Variants in HMCN1 observed in about 807,000 individuals in gnomAD.
HMCN1 encodes hemicentin-1.
A neutral mutation model predicts 625.9 loss-of-function variants in HMCN1; 321 were observed. The ratio of observed to expected loss-of-function variants is 0.51; its 90% CI spans 0.47 to 0.56. The LOEUF (loss-of-function observed/expected upper bound fraction) is 0.56. Among genes scored for constraint, HMCN1 ranks in the 20% least tolerant of loss-of-function variants. The pLI is 0.00. For missense variants in HMCN1, 6,588 were observed against 6,887.3 expected, an observed-to-expected ratio of 0.96 and a Z score of 1.54; for synonymous variants, 2,425 against 2,417.6, an observed-to-expected ratio of 1.00 and a Z score of -0.09.
intron 2 of HMCN1, among the ~76,000 whole-genome samples, chr1:185,862,883 T>A (rs188059641): frequency 5.9e-5 from 9 of 152,336 alleles, no homozygotes; most frequent in Non-Finnish European, 1.2e-4. Context: ...GAGTCAATTT[T>A]TAACAGCTGA....
At chr1:185,861,547 C>T (rs1010009794) in intron 2 of HMCN1, among the ~76,000 whole-genome samples, 1 of 152,108 alleles carries the variant, frequency 6.6e-6, no homozygotes, top group Non-Finnish European at 1.5e-5. Context: ...TTTTGAGCAT[C>T]CCAGAATATC....
intron 30 of HMCN1, 117 bp downstream of exon 30, chr1:186,007,399 C>A (rs1181901811): frequency 1.1e-6 from 1 of 916,344 alleles, no homozygotes; most frequent in Non-Finnish European, 1.7e-6. Flanking sequence ...CTACATACTT[C>A]AAGAGAAGAA....
At chr1:186,073,100 A>T (rs1658573551) in intron 52 of HMCN1, among the ~76,000 whole-genome samples, 1 of 152,158 alleles carries the variant, frequency 6.6e-6, no homozygotes, top group Non-Finnish European at 1.5e-5. Flanking sequence ...GATAAGTGAG[A>T]GTAAATAGAG....
chr1:186,136,826 A>G lies in HMCN1; in HGVS notation c.13471A>G (p.Asn4491Asp). The change falls in exon 87 of 107, where the codon AAC (asparagine) becomes GAC (aspartate). Residue 4491 changes from asparagine (N) to aspartate (D), a missense_variant. Transcript: ENST00000271588. ...SWDDRVNVLS[N>D]NSLYIADAQK... ...GGATGACCGGGTTAACGTGTTGTCC[A>G]ACAACTCATTATATATTGCTGATGC... 3.7e-6 allele frequency: 6 copies of G among 1,614,102 alleles called. No homozygotes were observed. Among genetic ancestry groups the G allele is most frequent in the Non-Finnish European group, 5.1e-6 (6 of 1,179,982 alleles).
chr1:185,967,703 G>A (rs998263629), intron 14 of HMCN1, among the ~76,000 whole-genome samples: 1 of 151,848 alleles, frequency 6.6e-6, no homozygotes, highest in African/African-American at 2.4e-5. Flanking sequence ...GAGCAGGTGG[G>A]CTTTCCAGTC....
chr1:186,082,338 C>A (rs563887599), intron 56 of HMCN1, among the ~76,000 whole-genome samples: 1 of 152,176 alleles, frequency 6.6e-6, no homozygotes, highest in Non-Finnish European at 1.5e-5. Flanking sequence ...TGGCTGGGAT[C>A]GCACACATAT....
rs201586866 is a variant in HMCN1, at chr1:186,074,751, C to T, written c.8150C>T (p.Ser2717Phe). The T allele has an allele frequency of 1.1e-4, 171 of 1,612,756 alleles. 1 individual carries two copies. In the East Asian group the frequency reaches 3.8e-3, roughly 36 times the overall value. Residue 2717 changes from serine (S) to phenylalanine (F), a missense_variant, in exon 53 of 107, where the codon TCC (serine) becomes TTC (phenylalanine). By Grantham distance (155) the Ser-to-Phe change is radical. Transcript: ENST00000271588. ...SWYKDGQPLK[S>F]DDHVNIAANG... Reference sequence around the variant, plus strand: ...ATAATTGAATCACAGCCCCTTAAATCCGATGATCATGTTAATATTGCTGCG... The same window carrying T: ...ATAATTGAATCACAGCCCCTTAAATTCGATGATCATGTTAATATTGCTGCG...
Position 186,087,657 on chromosome 1 carries a change from A to G in HMCN1, c.9363+12A>G, listed in dbSNP as rs538876716. On this transcript the variant is annotated intron_variant, in intron 60 of 106. Coordinates refer to ENST00000271588, the MANE Select transcript of HMCN1 (RefSeq NM_031935.3). Reference sequence around the variant, plus strand: ...TTAAGAAAGCTGAGGTGCATCTTTTATTCTTGTTTGAGTGTCATGACACCT... The same window carrying G: ...TTAAGAAAGCTGAGGTGCATCTTTTGTTCTTGTTTGAGTGTCATGACACCT... 3.6e-5 allele frequency: 58 copies of G among 1,611,584 alleles called. No homozygotes were observed. The South Asian group carries it at 5.6e-4, about 16-fold the overall frequency.
chr1:185,811,544 C>T (rs568240919), intron 1 of HMCN1, among the ~76,000 whole-genome samples: 26 of 152,120 alleles, frequency 1.7e-4, no homozygotes, highest in Admixed American at 1.6e-3. Context: ...GCTATGATCA[C>T]ACCACTGCAC....
intron 2 of HMCN1, among the ~76,000 whole-genome samples, chr1:185,857,009 A>G (rs1166398001): frequency 6.6e-6 from 1 of 152,084 alleles, no homozygotes; most frequent in Non-Finnish European, 1.5e-5. Flanking sequence ...CCGTTCCTAC[A>G]CTGTCTTGTA....
intron 25 of HMCN1, among the ~76,000 whole-genome samples, 160 bp downstream of exon 25, chr1:185,997,684 G>C (rs1172547994): frequency 6.6e-6 from 1 of 152,050 alleles, no homozygotes; most frequent in Admixed American, 6.6e-5. Flanking sequence ...ACAGCTCTTT[G>C]AATAAGTATT....
chr1:186,090,711 T>C (rs1278161227), intron 63 of HMCN1, 47 bp from the exon 64 acceptor site: 2 of 1,600,014 alleles, frequency 1.2e-6, no homozygotes, highest in Admixed American at 3.4e-5. Flanking sequence ...ACATTAGAAT[T>C]TATATCCTGT....
chr1:185,890,608 TA>T (rs1665005036), intron 4 of HMCN1, among the ~76,000 whole-genome samples: 1 of 135,466 alleles, frequency 7.4e-6, no homozygotes, highest in Admixed American at 7.2e-5. Flanking sequence ...AGTTTCCATG[TA>T]GTTGAGCGGT....
At chr1:186,066,279 GTTCATTCA>G (rs377381395) in intron 49 of HMCN1, among the ~76,000 whole-genome samples, 53 of 151,914 alleles carry the variant, frequency 3.5e-4, no homozygotes, top group African/African-American at 1.0e-3. Context: ...TTATATATAT[GTTCATTCA>G]TTCATTCATT....
chr1:185,926,999 A>G (rs1667310150), intron 9 of HMCN1, among the ~76,000 whole-genome samples: 2 of 152,240 alleles, frequency 1.3e-5, no homozygotes, highest in Non-Finnish European at 2.9e-5. Flanking sequence ...AGAAAGGAAC[A>G]AGTATAACTG....
intron 6 of HMCN1, among the ~76,000 whole-genome samples, chr1:185,913,050 C>T (rs185237172): frequency 3.7e-4 from 57 of 152,104 alleles, no homozygotes; most frequent in Admixed American, 3.0e-3. Flanking sequence ...ATTAATGTCC[C>T]CAGTTTAAAG....
intron 1 of HMCN1, among the ~76,000 whole-genome samples, chr1:185,761,297 G>A (rs1009899150): frequency 3.3e-5 from 5 of 152,120 alleles, no homozygotes; most frequent in African/African-American, 1.2e-4. Flanking sequence ...TTTTGGTTGA[G>A]GTCTGAGCTT....
intron 68 of HMCN1, among the ~76,000 whole-genome samples, chr1:186,096,167 T>C (rs983660173): frequency 1.3e-5 from 2 of 152,146 alleles, no homozygotes; most frequent in African/African-American, 4.8e-5. Context: ...GCTCCTTACA[T>C]AGCAGAAAAT....
intron 36 of HMCN1, among the ~76,000 whole-genome samples, chr1:186,030,903 G>C (rs557573096): frequency 9.0e-4 from 136 of 151,758 alleles, no homozygotes; most frequent in African/African-American, 3.2e-3. Context: ...TATTTCAACA[G>C]TATACAAAAA....
Sources: gnomAD v4.1 joint callset for allele counts (sites outside exome capture counted in the v4.1 genomes callset) on GRCh38, gnomAD v4.1.1 for gene constraint, MANE v1.5 for transcripts, NCBI Gene and HGNC (gene_info 2026-07-23, HGNC 2026-07-21) for gene names.